CNOT4: variants seen among roughly 807,000 people sequenced by gnomAD.
CNOT4 encodes the protein CCR4-associated factor 4.
Under a neutral mutation model 73.8 loss-of-function variants are expected in CNOT4, and 8 were observed. The ratio of observed to expected loss-of-function variants is 0.11; its 90% CI spans 0.06 to 0.20. The LOEUF (loss-of-function observed/expected upper bound fraction) is 0.20. Ranked by LOEUF, CNOT4 falls within the 10% of genes least tolerant of loss-of-function variation. The probability of loss-of-function intolerance (pLI) is 1.00; values close to 1 mark genes in which losing one functional copy is unlikely to be tolerated. For synonymous variants in CNOT4, 293 were observed against 321.1 expected, an observed-to-expected ratio of 0.91 and a Z score of 0.94; for missense variants, 564 against 883.4, an observed-to-expected ratio of 0.64 and a Z score of 4.58.
chr7:135,474,034 C>A (rs1442914415), intron 1 of CNOT4, among the ~76,000 whole-genome samples: 1 of 146,366 alleles, frequency 6.8e-6, no homozygotes, highest in African/African-American at 2.5e-5. Context: ...GGCTGGAGTG[C>A]AATGGTGCAA....
chr7:135,427,904 G>C (rs1243124865), intron 2 of CNOT4, among the ~76,000 whole-genome samples: 1 of 152,142 alleles, frequency 6.6e-6, no homozygotes, highest in Non-Finnish European at 1.5e-5. Context: ...GAGCTAAGGA[G>C]AAAGAACATT....
chr7:135,395,798 G>A lies in CNOT4; in HGVS notation c.965C>T (p.Ala322Val). 2.5e-6 allele frequency: 4 copies of A among 1,613,828 alleles called. No individual in the cohort carries two copies. In the South Asian group the frequency reaches 4.4e-5, roughly 18 times the overall value. The change falls in exon 9 of 12, where the codon GCA (alanine) becomes GTA (valine). Residue 322 changes from alanine to valine, a missense_variant. Coordinates refer to ENST00000541284, the MANE Select transcript of CNOT4 (RefSeq NM_001190850.2). The part of the protein sequence containing the change: ...VIPISSSNHS[A>V]RSPFEGAVTE... ...TACTGCCCCTTCAAAAGGGGACCGTGCACTGTGATTGGATGAACTGATGGG... is the reference window on the plus strand; with the variant it reads ...TACTGCCCCTTCAAAAGGGGACCGTACACTGTGATTGGATGAACTGATGGG...
chr7:135,388,876 A>G (rs1796256318), intron 10 of CNOT4: 1 of 1,612,824 alleles, frequency 6.2e-7, no homozygotes, highest in Non-Finnish European at 8.5e-7. Flanking sequence ...CATGGTCGAA[A>G]CCTTCACCTC....
intron 1 of CNOT4, chr7:135,509,464 A>C (rs1333267957): frequency 1.3e-5 from 2 of 152,664 alleles, no homozygotes; most frequent in African/African-American, 4.8e-5. Flanking sequence ...ATCAGAGTGG[A>C]AGTGATGGCT....
intron 7 of CNOT4, among the ~76,000 whole-genome samples, chr7:135,406,665 T>C (rs1316708476): frequency 6.6e-6 from 1 of 152,108 alleles, no homozygotes; most frequent in African/African-American, 2.4e-5. Flanking sequence ...AAAAATTTTT[T>C]TTTATTCTGG....
chr7:135,416,648 G>C (rs560184224), intron 3 of CNOT4, among the ~76,000 whole-genome samples: 1 of 152,146 alleles, frequency 6.6e-6, no homozygotes, highest in African/African-American at 2.4e-5. Context: ...AGCAACCAGC[G>C]TCATAGCTAA....
At chr7:135,433,356 T>C (rs926665781) in intron 2 of CNOT4, among the ~76,000 whole-genome samples, 8 of 148,576 alleles carry the variant, frequency 5.4e-5, no homozygotes, top group Non-Finnish European at 8.9e-5. Context: ...TGTTCTTTTT[T>C]TTTTTTTTTT....
chr7:135,448,559 GGGAA>G (rs1226895008), intron 1 of CNOT4, among the ~76,000 whole-genome samples: 41 of 148,418 alleles, frequency 2.8e-4, no homozygotes, highest in Admixed American at 1.7e-3. Context: ...GAGGGAGGGA[GGGAA>G]GGAAGGAAGG....
rs1796023277 is a variant in CNOT4 at position 135,384,552 on chromosome 7, T to G, written c.1627+9366A>C. ...TGCCTGCCTTGGCCTCCCAAAGTGT[T>G]GGGATTACAGGCGTGAGCCACCGCG... On this transcript the variant is annotated intron_variant, in intron 10 of 11. Coordinates refer to ENST00000541284, the MANE Select transcript of CNOT4 (RefSeq NM_001190850.2). 13 of 666,692 alleles carry G rather than the reference T, an allele frequency of 1.9e-5. No homozygotes were observed. In the South Asian group the frequency reaches 2.1e-4, roughly 11 times the overall value. 41.3% of individuals were successfully genotyped at this position (666,692 alleles called of 1,614,324 possible).
intron 8 of CNOT4, among the ~76,000 whole-genome samples, 170 bp downstream of exon 8, chr7:135,397,999 T>C (rs3812281): frequency 0.38 from 57,599 of 151,780 alleles, 11,121 homozygotes; most frequent in South Asian, 0.47. Context: ...TAAACTATGC[T>C]CTATATATTC....
chr7:135,434,704 A>G (rs1799046493), intron 2 of CNOT4, among the ~76,000 whole-genome samples: 1 of 152,190 alleles, frequency 6.6e-6, no homozygotes, highest in South Asian at 2.1e-4. Context: ...CTCACCTGAA[A>G]TCCAGACATG....
intron 10 of CNOT4, among the ~76,000 whole-genome samples, chr7:135,390,999 T>G (rs1796370704): frequency 6.6e-6 from 1 of 152,144 alleles, no homozygotes; most frequent in Admixed American, 6.5e-5. Flanking sequence ...TCATGATAAC[T>G]GCTAAAAGAT....
intron 1 of CNOT4, among the ~76,000 whole-genome samples, chr7:135,490,790 C>T (rs1803060705): frequency 6.6e-6 from 1 of 152,172 alleles, no homozygotes; most frequent in South Asian, 2.1e-4. Context: ...TGCCATATGA[C>T]TTAAATTTTC....
rs1804126994 is a variant in CNOT4 at position 135,503,344 on chromosome 7, T to C, written c.-93+6545A>G. On this transcript the variant is annotated intron_variant, in intron 1 of 11. Transcript: ENST00000541284. ...GCTGGGCATGGTCCTGTGCCTGTAG[T>C]CAGAGCAACCTGAGAGGCTGAGGTG... Among the ~76,000 whole-genome samples the C allele has an allele frequency of 2.0e-5, 3 of 151,636 alleles. No individual in the cohort carries two copies. In the South Asian group the frequency reaches 6.2e-4, roughly 32 times the overall value.
chr7:135,502,734 T>G (rs1804066067), intron 1 of CNOT4, among the ~76,000 whole-genome samples: 1 of 145,122 alleles, frequency 6.9e-6, no homozygotes, highest in Non-Finnish European at 1.5e-5. Flanking sequence ...GAGAGTTGCT[T>G]GAACCCGGGA....
intron 1 of CNOT4, among the ~76,000 whole-genome samples, chr7:135,495,741 A>C (rs1803514006): frequency 7.0e-6 from 1 of 142,248 alleles, no homozygotes; most frequent in Non-Finnish European, 1.6e-5. Flanking sequence ...AAAGAAAGAA[A>C]GAAAGAAAGA....
chr7:135,401,833 A>C (rs1378400235), intron 7 of CNOT4, among the ~76,000 whole-genome samples: 2 of 152,164 alleles, frequency 1.3e-5, no homozygotes, highest in African/African-American at 4.8e-5. Flanking sequence ...CATACAATGA[A>C]ACTGTCATGA....
chr7:135,486,005 CA>C (rs1802696303), intron 1 of CNOT4, among the ~76,000 whole-genome samples: 1 of 151,976 alleles, frequency 6.6e-6, no homozygotes, highest in African/African-American at 2.4e-5. Flanking sequence ...AAGTTAAAAC[CA>C]GGGAGAAAAT....
rs1794746931 is a variant in CNOT4, at chr7:135,363,425, G to A, written c.1841-239C>T. 6.6e-6 allele frequency among the ~76,000 whole-genome samples: 1 copy of A among 152,196 alleles called. No homozygotes were observed. Among genetic ancestry groups the A allele is most frequent in the South Asian group, 2.1e-4 (1 of 4,832 alleles). ...CCCCCACTGTCACAGAGGCAGAGCT[G>A]CAAAACACCATTCCCCAGAACTGCC... On this transcript the variant is annotated intron_variant, in intron 11 of 11. Coordinates refer to ENST00000541284, the MANE Select transcript of CNOT4 (RefSeq NM_001190850.2). The surrounding 1 kb of genome is among the most constrained non-coding windows in gnomAD (Gnocchi z 4.3).
Sources: allele counts gnomAD v4.1 joint callset (sites outside exome capture counted in the v4.1 genomes callset), GRCh38; gene constraint gnomAD v4.1.1; non-coding constraint Gnocchi (gnomAD v3.1); transcripts MANE v1.5; gene names NCBI Gene and HGNC (gene_info 2026-07-23, HGNC 2026-07-21).